The following JCAD variants were observed in gnomAD, a reference collection of about 807,000 sequenced individuals.
The protein encoded by JCAD is junctional cadherin 5-associated protein.
Under a neutral mutation model 98.0 loss-of-function variants are expected in JCAD, and 40 were observed. That is an observed-to-expected ratio of 0.41 (90% CI 0.32 to 0.53). The LOEUF (loss-of-function observed/expected upper bound fraction) is 0.53, where lower values mean the gene tolerates loss of function less well. JCAD is among the 20% of genes least tolerant of loss of function. The pLI is 0.31. For missense variants in JCAD, 1,705 were observed against 1,738.1 expected, an observed-to-expected ratio of 0.98 and a Z score of 0.34; for synonymous variants, 691 against 682.3, an observed-to-expected ratio of 1.01 and a Z score of -0.20.
chr10:30,021,400 A>C (rs1489755575), intron 3 of JCAD, among the ~76,000 whole-genome samples: 2 of 152,000 alleles, frequency 1.3e-5, no homozygotes, highest in Non-Finnish European at 2.9e-5. Context: ...GGGTCTCGCT[A>C]TGTTGCCCAG....
chr10:30,100,428 C>A (rs1281603094), intron 1 of JCAD, among the ~76,000 whole-genome samples: 1 of 152,156 alleles, frequency 6.6e-6, no homozygotes, highest in African/African-American at 2.4e-5. Flanking sequence ...GTCGCCCAGG[C>A]TGGAGTGCAG....
intron 2 of JCAD, among the ~76,000 whole-genome samples, chr10:30,041,245 C>T (rs1022592009): frequency 5.3e-5 from 8 of 151,980 alleles, no homozygotes; most frequent in Non-Finnish European, 7.4e-5. Flanking sequence ...AGGGAAGAGG[C>T]GGCCTGTGTC....
chr10:30,111,039 C>T (rs1191862441), intron 1 of JCAD, among the ~76,000 whole-genome samples: 3 of 152,028 alleles, frequency 2.0e-5, no homozygotes, highest in Non-Finnish European at 2.9e-5. Flanking sequence ...GTATAGACCC[C>T]TGATGTATAG....
chr10:30,068,463 C>T (rs937864646), intron 2 of JCAD, among the ~76,000 whole-genome samples: 1 of 150,944 alleles, frequency 6.6e-6, no homozygotes, highest in Non-Finnish European at 1.5e-5. Flanking sequence ...TCATTAGTCA[C>T]CTGCCTCCCT....
chr10:30,037,550 T>A (rs377190842), intron 2 of JCAD, among the ~76,000 whole-genome samples: 2 of 152,202 alleles, frequency 1.3e-5, no homozygotes, highest in East Asian at 3.8e-4. Flanking sequence ...CTTTTTATGA[T>A]GTCACAATGA....
At chr10:30,031,950 T>G (rs1837010230) in intron 2 of JCAD, among the ~76,000 whole-genome samples, 1 of 148,616 alleles carries the variant, frequency 6.7e-6, no homozygotes, top group South Asian at 2.1e-4. Flanking sequence ...GAGACGGGGT[T>G]TCACTGTTTT....
intron 2 of JCAD, among the ~76,000 whole-genome samples, chr10:30,065,457 G>A (rs1837767418): frequency 6.6e-6 from 1 of 151,882 alleles, no homozygotes; most frequent in Admixed American, 6.6e-5. Context: ...AATAACACTT[G>A]TTTTTAGTTA....
intron 2 of JCAD, among the ~76,000 whole-genome samples, chr10:30,043,689 G>C (rs4749524): frequency 0.28 from 42,339 of 152,154 alleles, 6,906 homozygotes; most frequent in Non-Finnish European, 0.37. Context: ...ACCATCCAGC[G>C]ATGGTAACCC....
chr10:30,074,800 T>G (rs1003373236), intron 1 of JCAD, among the ~76,000 whole-genome samples: 1 of 152,100 alleles, frequency 6.6e-6, no homozygotes, highest in East Asian at 1.9e-4. Flanking sequence ...GTTTTGTTTT[T>G]TTTTTAATAA....
chr10:30,052,437 C>G (rs1837490027), intron 1 of JCAD, among the ~76,000 whole-genome samples: 1 of 152,118 alleles, frequency 6.6e-6, no homozygotes, highest in African/African-American at 2.4e-5. Context: ...TCAGCTGCCC[C>G]AGGAAAAAGA....
intron 2 of JCAD, among the ~76,000 whole-genome samples, chr10:30,040,473 T>C (rs1017525174): frequency 3.3e-5 from 5 of 152,244 alleles, no homozygotes; most frequent in African/African-American, 1.2e-4. Context: ...ATGATAGACA[T>C]GGAGAAAGAC....
At chr10:30,099,550 G>GA (rs1345206899) in intron 1 of JCAD, among the ~76,000 whole-genome samples, 14 of 149,698 alleles carry the variant, frequency 9.4e-5, no homozygotes, top group Non-Finnish European at 1.0e-4. Context: ...ATAATAAGAT[G>GA]AAAAAAAAAT....
At chr10:30,073,089 T>C (rs185025579) in intron 1 of JCAD, among the ~76,000 whole-genome samples, 15 of 152,330 alleles carry the variant, frequency 9.8e-5, no homozygotes, top group African/African-American at 2.9e-4. Flanking sequence ...ATGGCCCCAT[T>C]TGGGGAGCTG....
At chr10:30,034,370 G>T (rs891085725) in intron 2 of JCAD, among the ~76,000 whole-genome samples, 1 of 152,172 alleles carries the variant, frequency 6.6e-6, no homozygotes, top group Admixed American at 6.5e-5. Flanking sequence ...TCTGAGGTAA[G>T]ACATTTGCCA....
chr10:30,037,645 TA>T (rs35772464), intron 2 of JCAD, among the ~76,000 whole-genome samples: 12,188 of 151,066 alleles, frequency 0.081, 708 homozygotes, highest in African/African-American at 0.16. Context: ...GTTTTGTTAT[TA>T]AAAAAAAATA....
At chr10:30,108,851 TA>T (rs796575445) in intron 1 of JCAD, among the ~76,000 whole-genome samples, 1,084 of 139,880 alleles carry the variant, frequency 7.7e-3, no homozygotes, top group Non-Finnish European at 6.3e-3. Context: ...TGCTCAAGAT[TA>T]AAAAAAAAAA....
rs546477671 is a variant in JCAD, at chr10:30,031,364, C to T, written c.282-1498G>A. On this transcript the variant is annotated intron_variant, in intron 2 of 3. Transcript: ENST00000375377. ...CAGTCTGGCCTTGATCTCCTGGCCT[C>T]AAGAAATCCTCCCACCTCCGCCTCC... Among the ~76,000 whole-genome samples the T allele has an allele frequency of 1.3e-4, 19 of 151,370 alleles. 2 individuals are homozygous for T. The South Asian group carries it at 3.4e-3, about 27-fold the overall frequency.
upstream of JCAD, among the ~76,000 whole-genome samples, chr10:30,062,825 C>T (rs1037268866): frequency 7.2e-5 from 11 of 152,134 alleles, no homozygotes; most frequent in Non-Finnish European, 1.3e-4. Flanking sequence ...GGGTCCCTCC[C>T]ACAACACGTA....
At position 30,017,831 on chromosome 10, in the gene JCAD, C is replaced by T. The variant is rs1359924093; in HGVS notation, c.*52G>A. 6.5e-7 allele frequency: 1 copy of T among 1,535,838 alleles called. No individual in the cohort carries two copies. Among genetic ancestry groups the T allele is most frequent in the Non-Finnish European group, 9.0e-7 (1 of 1,108,312 alleles). On this transcript the variant is annotated 3_prime_UTR_variant, in exon 4 of 4. Transcript: ENST00000375377. ...GGGGCTGATAGACTAAATCTACCAG[C>T]TACTTGAGAATACTCAATTCGCAAC...
Sources: allele counts gnomAD v4.1 joint callset (sites outside exome capture counted in the v4.1 genomes callset), GRCh38; gene constraint gnomAD v4.1.1; transcripts MANE v1.5; gene names NCBI Gene and HGNC (gene_info 2026-07-23, HGNC 2026-07-21).